The following HADHA variants were observed in gnomAD, a reference collection of about 807,000 sequenced individuals.
HADHA encodes hydroxyacyl-CoA dehydrogenase trifunctional multienzyme complex subunit alpha, also known as trifunctional enzyme subunit alpha, mitochondrial.
HADHA carries 59 observed loss-of-function variants against 91.3 expected under a neutral mutation model. That is an observed-to-expected ratio of 0.65 (90% confidence interval 0.52 to 0.80). The LOEUF (loss-of-function observed/expected upper bound fraction) is 0.80, where lower values mean the gene tolerates loss of function less well. HADHA is among the 30% of genes least tolerant of loss of function. HADHA has a pLI of 0.00. For missense variants in HADHA, 800 were observed against 927.6 expected, an observed-to-expected ratio of 0.86 and a Z score of 1.79; for synonymous variants, 320 against 338.9, an observed-to-expected ratio of 0.94 and a Z score of 0.61.
chr2:26,211,207 G>A (rs753689923), intron 10 of HADHA, among the ~76,000 whole-genome samples: 1 of 152,142 alleles, frequency 6.6e-6, no homozygotes, highest in Non-Finnish European at 1.5e-5. Flanking sequence ...ACTGATTCGT[G>A]AAACTTATTC....
chr2:26,193,291 A>AGCT (rs1669564534), intron 17 of HADHA, among the ~76,000 whole-genome samples: 1 of 64,442 alleles, frequency 1.6e-5, no homozygotes, highest in African/African-American at 8.5e-5. Flanking sequence ...TTCACATGAC[A>AGCT]TCTTTTTTTT....
intron 4 of HADHA, 86 bp downstream of exon 4, chr2:26,236,769 C>T: frequency 2.8e-6 from 3 of 1,087,422 alleles, no homozygotes; most frequent in Non-Finnish European, 1.4e-6. Flanking sequence ...AGCACTTCTA[C>T]TTTCTTTTAA....
Position 26,210,010 on chromosome 2 carries a change from T to C in HADHA, c.976-121A>G, listed in dbSNP as rs1670062143. The C allele has an allele frequency of 2.7e-6, 2 of 729,990 alleles. No individual in the cohort carries two copies. The allele number at this position is 729,990 out of a possible 1,614,324, so 45.2% of individuals were successfully genotyped here. A position where few individuals can be genotyped will look rare whatever the true frequency, so the allele number is the denominator to read the frequency against. On this transcript the variant is annotated intron_variant, in intron 10 of 19. Transcript: ENST00000380649. The surrounding 1 kb of genome is among the most constrained non-coding windows in gnomAD (Gnocchi z 4.0). ...CATGTGAAGCCTGAGTCCCTGGGGATGCGGGGGAGTTTGGGGGTTCAGTGC... is the reference window on the plus strand; with the variant it reads ...CATGTGAAGCCTGAGTCCCTGGGGACGCGGGGGAGTTTGGGGGTTCAGTGC...
chr2:26,215,984 G>T (rs1348452244), intron 7 of HADHA, among the ~76,000 whole-genome samples: 1 of 152,202 alleles, frequency 6.6e-6, no homozygotes, highest in African/African-American at 2.4e-5. Context: ...ACAGAGCTAG[G>T]CTCAAAAAAT....
At chr2:26,197,600 C>T (rs1669709581) in intron 14 of HADHA, 91 bp downstream of exon 14, 1 of 776,682 alleles carries the variant, frequency 1.3e-6, no homozygotes, top group Non-Finnish European at 2.4e-6. Flanking sequence ...ACTCCGTAAT[C>T]CACTGTCTCT....
intron 10 of HADHA, 149 bp downstream of exon 10, chr2:26,212,421 G>T: frequency 1.4e-6 from 1 of 690,742 alleles, no homozygotes. Flanking sequence ...CTTGCTCACT[G>T]AGATTAATCA....
chr2:26,238,898 G>A (rs375282614), intron 3 of HADHA, 36 bp downstream of exon 3: 68 of 1,248,008 alleles, frequency 5.4e-5, no homozygotes, highest in African/African-American at 4.0e-4. Flanking sequence ...TTCATAATGC[G>A]GTTAGCAGAA....
At chr2:26,232,548 A>G (rs951692708) in intron 5 of HADHA, among the ~76,000 whole-genome samples, 26 of 152,202 alleles carry the variant, frequency 1.7e-4, no homozygotes, top group Non-Finnish European at 3.5e-4. Context: ...AAAAATGCAC[A>G]CACAATTTTA....
chr2:26,198,797 C>T (rs567284169), intron 13 of HADHA, among the ~76,000 whole-genome samples: 2 of 152,174 alleles, frequency 1.3e-5, no homozygotes, highest in South Asian at 4.1e-4. Context: ...CAACTATAAT[C>T]CCAACACTTC....
Position 26,209,792 on chromosome 2 carries a change from T to G in HADHA, c.1073A>C (p.Gln358Pro). 6.5e-7 allele frequency: 1 copy of G among 1,535,392 alleles called. No individual in the cohort carries two copies. The highest frequency in any genetic ancestry group is 9.0e-7 in the Non-Finnish European group (1 of 1,108,258). Reference sequence around the variant, plus strand: ...GAGTTTAACTTACTTAACATCCTTCTGTGGAGCTCCAAATTTATTCTTCTT... The same window carrying G: ...GAGTTTAACTTACTTAACATCCTTCGGTGGAGCTCCAAATTTATTCTTCTT... ...LCKKNKFGAP[Q>P]KDVKHLAILG... Residue 358 changes from glutamine to proline, a missense_variant, in exon 11 of 20, where the codon CAG becomes CCG. Gln to Pro is a moderately conservative substitution (Grantham distance 76). Transcript: ENST00000380649.
rs759265828 is a variant in HADHA at position 26,244,527 on chromosome 2, C to T, written c.67+3G>A. On this transcript the variant is annotated splice_donor_region_variant and intron_variant, in intron 1 of 19. Transcript: ENST00000380649. ...GTCTGGGATGCCCTCGGCCAGGCCT[C>T]ACCTCGGGAGCGGAGGATCCTGAAG... The T allele has an allele frequency of 3.9e-5, 61 of 1,576,410 alleles. No homozygotes were observed. The highest frequency in any genetic ancestry group is 5.5e-5 in the Admixed American group (3 of 54,828).
chr2:26,237,447 T>C (rs1374239334), intron 3 of HADHA, among the ~76,000 whole-genome samples: 1 of 152,096 alleles, frequency 6.6e-6, no homozygotes, highest in Non-Finnish European at 1.5e-5. Context: ...GGCAACATAA[T>C]GGAACCTTGC....
At chr2:26,237,452 C>T (rs1670789620) in intron 3 of HADHA, among the ~76,000 whole-genome samples, 1 of 152,084 alleles carries the variant, frequency 6.6e-6, no homozygotes, top group Non-Finnish European at 1.5e-5. Context: ...CATAATGGAA[C>T]CTTGCCTCTA....
chr2:26,220,269 T>C (rs77766433), intron 7 of HADHA, among the ~76,000 whole-genome samples: 4,993 of 152,300 alleles, frequency 0.033, 271 homozygotes, highest in African/African-American at 0.11. Context: ...TTTCAGAATG[T>C]ACAATTGGAG....
Position 26,230,187 on chromosome 2 carries a change from C to T in HADHA, c.676+5G>A. On this transcript the variant is annotated splice_donor_5th_base_variant and intron_variant, in intron 7 of 19. Transcript: ENST00000380649. ...GGTCTGACTCTGAGATGTGCTAACA[C>T]TTACCCAGGGGTTCCACCAGTTGGT... 2 of 1,556,696 alleles carry T rather than the reference C, an allele frequency of 1.3e-6. No individual in the cohort carries two copies. Among genetic ancestry groups the T allele is most frequent in the Non-Finnish European group, 8.9e-7 (1 of 1,127,622 alleles).
At chr2:26,236,420 GTA>G (rs1553315922) in intron 4 of HADHA, among the ~76,000 whole-genome samples, 4 of 116,478 alleles carry the variant, frequency 3.4e-5, no homozygotes, top group African/African-American at 6.4e-5. Context: ...GTGTGTGTGT[GTA>G]TATACTTTTT....
At chr2:26,205,401 T>C (rs1381480805) in intron 11 of HADHA, among the ~76,000 whole-genome samples, 1 of 152,218 alleles carries the variant, frequency 6.6e-6, no homozygotes, top group African/African-American at 2.4e-5. Flanking sequence ...AATGCAGCTT[T>C]GTAATGGTAC....
chr2:26,231,968 CAA>C lies in HADHA; in HGVS notation c.573+190_573+191del, dbSNP rs70950177. 0.031 allele frequency among the ~76,000 whole-genome samples: 2,863 copies of C among 92,408 alleles called. 87 individuals carry two copies. Among genetic ancestry groups the C allele is most frequent in the African/African-American group, 0.11 (2,639 of 23,098 alleles). 60.6% of individuals were successfully genotyped at this position (92,408 alleles called of 152,430 possible). A position where few individuals can be genotyped will look rare whatever the true frequency, so the allele number is the denominator to read the frequency against. On this transcript the variant is annotated intron_variant, in intron 6 of 19. Coordinates refer to ENST00000380649, the MANE Select transcript of HADHA (RefSeq NM_000182.5). ...TGGGCTACAGAGCAAGATTTTGTCTCAAAAAAAAAAAAAAAAAAAAATCTGTG... is the reference window on the plus strand; with the variant it reads ...TGGGCTACAGAGCAAGATTTTGTCTCAAAAAAAAAAAAAAAAAAATCTGTG...
Position 26,221,055 on chromosome 2 carries a change from C to T in HADHA, c.677-5880G>A, listed in dbSNP as rs998701552. 2.0e-5 allele frequency among the ~76,000 whole-genome samples: 3 copies of T among 152,120 alleles called. No individual in the cohort carries two copies. The highest frequency in any genetic ancestry group is 4.4e-5 in the Non-Finnish European group (3 of 68,026). On this transcript the variant is annotated intron_variant, in intron 7 of 19. Transcript: ENST00000380649. This position sits in a 1 kb window ranked among gnomAD's most constrained non-coding sequence, Gnocchi z 4.8. The stretch of plus-strand genomic sequence containing the variant: ...TCTATGGCAAAGGGTAAGTGTTGCA[C>T]GTGGCCCCTCCTACCACAAAAAAAC...
Sources: allele counts gnomAD v4.1 joint callset (sites outside exome capture counted in the v4.1 genomes callset), GRCh38; gene constraint gnomAD v4.1.1; non-coding constraint Gnocchi (gnomAD v3.1); transcripts MANE v1.5; gene names NCBI Gene and HGNC (gene_info 2026-07-23, HGNC 2026-07-21).